Variants in ENPP3 observed in about 807,000 individuals in gnomAD.
ENPP3 encodes ectonucleotide pyrophosphatase/phosphodiesterase 3.
A neutral mutation model predicts 117.8 loss-of-function variants in ENPP3; 104 were observed. The ratio of observed to expected loss-of-function variants is 0.88; its 90% CI spans 0.75 to 1.04. The LOEUF (loss-of-function observed/expected upper bound fraction) is 1.04, where lower values mean the gene tolerates loss of function less well. ENPP3 is among the 50% of genes least tolerant of loss of function. ENPP3 has a pLI of 0.00. For synonymous variants in ENPP3, 380 were observed against 349.9 expected, an observed-to-expected ratio of 1.09 and a Z score of -0.96; for missense variants, 1,026 against 1,051.9, an observed-to-expected ratio of 0.98 and a Z score of 0.34.
intron 14 of ENPP3, among the ~76,000 whole-genome samples, chr6:131,690,201 G>A (rs1185445658): frequency 6.6e-6 from 1 of 152,216 alleles, no homozygotes; most frequent in African/African-American, 2.4e-5. Context: ...CTCTAATTTT[G>A]AAAGAAGTTC....
intron 15 of ENPP3, among the ~76,000 whole-genome samples, chr6:131,697,891 T>C (rs953430085): frequency 8.5e-5 from 13 of 152,066 alleles, no homozygotes; most frequent in Non-Finnish European, 1.8e-4. Flanking sequence ...TAGAAAGGTA[T>C]GTAGTGACCC....
rs1235764468 is a variant in ENPP3 at position 131,693,534 on chromosome 6, CT to C, written c.1323del (p.Pro442LeufsTer79). ...GATCAGCATTTCAAGCCCTATTTGA[CT>C]CCTGATTTGCCAAAGCGACTGCACT... Reference protein sequence around the residue: ...KPDQHFKPYLTPDLPKRLHYA... With the variant: ...KPDQHFKPYLXPDLPKRLHYA... On this transcript the variant is annotated frameshift_variant, in exon 15 of 25. Coordinates refer to ENST00000357639, the MANE Select transcript of ENPP3 (RefSeq NM_005021.5). LOFTEE classifies it high-confidence loss of function. The C allele has an allele frequency of 6.2e-7, 1 of 1,613,418 alleles. No individual in the cohort carries two copies. The highest frequency in any genetic ancestry group is 2.2e-5 in the East Asian group (1 of 44,834).
chr6:131,685,616 C>G (rs1779138202), intron 13 of ENPP3, 121 bp downstream of exon 13: 1 of 932,046 alleles, frequency 1.1e-6, no homozygotes, highest in Non-Finnish European at 1.6e-6. Context: ...GAGAAGACCA[C>G]AGAGAAACAA....
intron 15 of ENPP3, among the ~76,000 whole-genome samples, chr6:131,717,354 GTGTGTGTGTGTGT>G (rs1779919091): frequency 2.4e-4 from 2 of 8,466 alleles, no homozygotes; most frequent in East Asian, 2.2e-3. Flanking sequence ...TGCGGGGGGT[GTGTGTGTGTGTGT>G]GTGTGTGTGT....
chr6:131,716,403 A>G (rs968033937), intron 15 of ENPP3, among the ~76,000 whole-genome samples: 1 of 152,106 alleles, frequency 6.6e-6, no homozygotes, highest in Non-Finnish European at 1.5e-5. Flanking sequence ...ATTTTGCAAT[A>G]TTTACTATAG....
At chr6:131,740,684 T>A (rs1011324007) in intron 24 of ENPP3, among the ~76,000 whole-genome samples, 1 of 152,184 alleles carries the variant, frequency 6.6e-6, no homozygotes, top group African/African-American at 2.4e-5. Context: ...TTTCTTTTTT[T>A]ATTTATAACA....
intron 1 of ENPP3, 99 bp downstream of exon 1, chr6:131,637,561 A>G (rs1264434503): frequency 1.5e-6 from 1 of 646,670 alleles, no homozygotes; most frequent in Non-Finnish European, 2.6e-6. Context: ...ATTAAAATGT[A>G]AACTTTTAAG....
At chr6:131,727,481 G>A (rs10214690) in intron 20 of ENPP3, among the ~76,000 whole-genome samples, 3,041 of 150,602 alleles carry the variant, frequency 0.02, 97 homozygotes, top group African/African-American at 0.07. Context: ...CTTGAACCCG[G>A]GAGGTGGAGG....
Position 131,685,332 on chromosome 6 carries a change from C to A in ENPP3, c.1121-32C>A, listed in dbSNP as rs369102124. The stretch of plus-strand genomic sequence containing the variant: ...TCAACCGTTGCCATTTATATACATT[C>A]AGTGGGTTATTATGATTATTTTTTT... On this transcript the variant is annotated intron_variant, in intron 12 of 24. Transcript: ENST00000357639. 1.9e-5 allele frequency: 30 copies of A among 1,572,126 alleles called. No individual in the cohort carries two copies. The African/African-American group carries it at 3.4e-4, about 18-fold the overall frequency.
chr6:131,659,387 T>G (rs893222381), intron 6 of ENPP3, among the ~76,000 whole-genome samples: 6 of 152,174 alleles, frequency 3.9e-5, no homozygotes, highest in African/African-American at 1.4e-4. Flanking sequence ...AGGCGCACAC[T>G]CTTCACTGCC....
At chr6:131,718,110 G>A (rs565741785) in intron 15 of ENPP3, among the ~76,000 whole-genome samples, 1 of 152,112 alleles carries the variant, frequency 6.6e-6, no homozygotes, top group Non-Finnish European at 1.5e-5. Context: ...CTTAAGCAAC[G>A]CATGACTGGA....
rs539040528 is a variant in ENPP3 at position 131,670,335 on chromosome 6, T to C, written c.563-913T>C. Reference sequence around the variant, plus strand: ...CTATCAGCTAGATGCCAATGCTATATAAAGCAAACAAACTGGCAGTGTATA... The same window carrying C: ...CTATCAGCTAGATGCCAATGCTATACAAAGCAAACAAACTGGCAGTGTATA... On this transcript the variant is annotated intron_variant, in intron 6 of 24. Coordinates refer to ENST00000357639, the MANE Select transcript of ENPP3 (RefSeq NM_005021.5). Among the ~76,000 whole-genome samples, 12 of 152,340 alleles carry C rather than the reference T, an allele frequency of 7.9e-5. No individual in the cohort carries two copies. In the East Asian group the frequency reaches 2.3e-3, roughly 29 times the overall value.
intron 14 of ENPP3, among the ~76,000 whole-genome samples, chr6:131,686,441 T>C (rs1779155084): frequency 6.6e-6 from 1 of 152,224 alleles, no homozygotes; most frequent in Non-Finnish European, 1.5e-5. Context: ...TGGAATGGTC[T>C]TCTGTAATAG....
intron 14 of ENPP3, among the ~76,000 whole-genome samples, chr6:131,691,439 A>G (rs1296325979): frequency 6.6e-6 from 1 of 151,982 alleles, no homozygotes; most frequent in East Asian, 1.9e-4. Flanking sequence ...AAATACAAAA[A>G]TTAGCCGGGC....
chr6:131,676,921 C>T lies in ENPP3; in HGVS notation c.938+120C>T, dbSNP rs1046443194. 7.7e-6 allele frequency: 5 copies of T among 645,834 alleles called. No homozygotes were observed. The East Asian group carries it at 1.1e-4, about 14-fold the overall frequency. The allele number at this position is 645,834 out of a possible 1,614,324, so 40.0% of individuals were successfully genotyped here. A position where few individuals can be genotyped will look rare whatever the true frequency, so the allele number is the denominator to read the frequency against. ...CTATTTTCGAAACGACGTGGCATTGCCTTATAATGGACACTTTTCATGAAT... is the reference window on the plus strand; with the variant it reads ...CTATTTTCGAAACGACGTGGCATTGTCTTATAATGGACACTTTTCATGAAT... On this transcript the variant is annotated intron_variant, in intron 10 of 24. Transcript: ENST00000357639.
chr6:131,711,135 AC>A (rs1227158576), intron 15 of ENPP3: 56 of 1,424,736 alleles, frequency 3.9e-5, no homozygotes, highest in Non-Finnish European at 4.9e-5. Context: ...GGAGCGGACC[AC>A]TGTGGAGCGG....
chr6:131,718,398 G>T (rs1296002327), intron 15 of ENPP3, among the ~76,000 whole-genome samples: 1 of 151,708 alleles, frequency 6.6e-6, no homozygotes, highest in African/African-American at 2.4e-5. Context: ...AGAGACTTTT[G>T]AATTCTATTT....
At chr6:131,693,654 T>C in intron 15 of ENPP3, 30 bp downstream of exon 15, 1 of 1,602,788 alleles carries the variant, frequency 6.2e-7, no homozygotes, top group Non-Finnish European at 8.5e-7. Flanking sequence ...TATCTCATAA[T>C]GCCTTTAATA....
intron 20 of ENPP3, among the ~76,000 whole-genome samples, chr6:131,730,870 G>A (rs1780263261): frequency 6.7e-6 from 1 of 149,402 alleles, no homozygotes; most frequent in Admixed American, 6.7e-5. Flanking sequence ...AGCCAAGATT[G>A]TGCCATTGCA....
Sources: gnomAD v4.1 joint callset for allele counts (sites outside exome capture counted in the v4.1 genomes callset) on GRCh38, gnomAD v4.1.1 for gene constraint, MANE v1.5 for transcripts, NCBI Gene and HGNC (gene_info 2026-07-23, HGNC 2026-07-21) for gene names.